The following PPP2R2C variants were observed in gnomAD, a reference collection of about 807,000 sequenced individuals.
PPP2R2C encodes the protein protein phosphatase 2, regulatory subunit B, gamma.
Under a neutral mutation model 45.3 loss-of-function variants are expected in PPP2R2C, and 10 were observed. The ratio of observed to expected loss-of-function variants is 0.22; its 90% CI spans 0.14 to 0.37. The LOEUF is 0.37. Ranked by LOEUF, PPP2R2C falls within the 10% of genes least tolerant of loss-of-function variation. PPP2R2C has a pLI of 1.00. For missense variants in PPP2R2C, 308 were observed against 619.7 expected (o/e 0.50, Z 5.34); for synonymous variants, 257 against 245.4 (o/e 1.05, Z -0.44).
rs1275645374 is a variant in PPP2R2C at position 6,472,589 on chromosome 4, C to G, written c.-360G>C. The G allele has an allele frequency of 3.4e-5, 5 of 146,304 alleles. No homozygotes were observed. Among genetic ancestry groups the G allele is most frequent in the East Asian group, 3.9e-4 (2 of 5,070 alleles). The allele number at this position is 146,304 out of a possible 1,614,324, so 9.1% of individuals were successfully genotyped here. A position where few individuals can be genotyped will look rare whatever the true frequency, so the allele number is the denominator to read the frequency against. On this transcript the variant is annotated 5_prime_UTR_variant, in exon 1 of 9. Coordinates refer to ENST00000382599, the MANE Select transcript of PPP2R2C (RefSeq NM_020416.4). ...GGACGCGCGCGGCGCTGCGCTGCGC[C>G]GACCAAGCCGGGGCCGAGCCGGGCT...
chr4:6,367,259 A>C (rs1226742186), intron 5 of PPP2R2C, among the ~76,000 whole-genome samples: 1 of 152,136 alleles, frequency 6.6e-6, no homozygotes, highest in African/African-American at 2.4e-5. Flanking sequence ...ATGGTTACTA[A>C]AAGTCCATTT....
intron 7 of PPP2R2C, among the ~76,000 whole-genome samples, chr4:6,333,110 T>C (rs1413121604): frequency 6.6e-6 from 1 of 152,214 alleles, no homozygotes; most frequent in Non-Finnish European, 1.5e-5. Context: ...GCTGAGGATC[T>C]GGAAAGGAAA....
At chr4:6,535,629 C>G (rs62286149) in intron 1 of PPP2R2C, among the ~76,000 whole-genome samples, 237 of 152,338 alleles carry the variant, frequency 1.6e-3, no homozygotes, top group Non-Finnish European at 2.5e-3. Flanking sequence ...TATTTTGGCC[C>G]CAAATGGGGT....
intron 2 of PPP2R2C, among the ~76,000 whole-genome samples, chr4:6,531,561 CTT>C (rs11327901): frequency 0.47 from 67,235 of 143,796 alleles, 15,712 homozygotes; most frequent in African/African-American, 0.58. Flanking sequence ...TCCCGTTTTC[CTT>C]TTTTTTTTTT....
chr4:6,459,796 A>C (rs1437040083), intron 1 of PPP2R2C, among the ~76,000 whole-genome samples: 2 of 151,612 alleles, frequency 1.3e-5, no homozygotes, highest in African/African-American at 2.4e-5. Flanking sequence ...CACACACACA[A>C]AAAAACAGCA....
At position 6,366,048 on chromosome 4, in the gene PPP2R2C, G is replaced by A. The variant is rs77709203; in HGVS notation, c.625+6475C>T. ...ACGTTGAAACTGCACCGTGGAAAAC[G>A]GAGTTTTAACCATCAGAGATGCAGG... On this transcript the variant is annotated intron_variant, in intron 5 of 8. Transcript: ENST00000382599. 6.2e-3 allele frequency among the ~76,000 whole-genome samples: 938 copies of A among 152,288 alleles called. 8 individuals carry two copies. The highest frequency in any genetic ancestry group is 0.02 in the African/African-American group (825 of 41,554).
At chr4:6,553,282 C>G (rs983690414) in intron 1 of PPP2R2C, among the ~76,000 whole-genome samples, 6 of 152,252 alleles carry the variant, frequency 3.9e-5, no homozygotes, top group African/African-American at 1.4e-4. Flanking sequence ...TCCACGGGAG[C>G]CTTAGGGCAG....
intron 1 of PPP2R2C, among the ~76,000 whole-genome samples, chr4:6,451,941 A>G (rs1385368534): frequency 6.6e-6 from 1 of 151,952 alleles, no homozygotes; most frequent in East Asian, 1.9e-4. Flanking sequence ...CAGTGACACC[A>G]CCCCAGAGCC....
At chr4:6,486,967 T>G (rs1205157029) in intron 2 of PPP2R2C, among the ~76,000 whole-genome samples, 1 of 152,128 alleles carries the variant, frequency 6.6e-6, no homozygotes, top group Non-Finnish European at 1.5e-5. Flanking sequence ...ATTGTTCAAT[T>G]ATTCCATTCT....
At chr4:6,517,718 A>T (rs984713325) in intron 2 of PPP2R2C, among the ~76,000 whole-genome samples, 1 of 152,164 alleles carries the variant, frequency 6.6e-6, no homozygotes, top group Admixed American at 6.5e-5. Context: ...TCATTTCAAC[A>T]GTCCATCATG....
intron 1 of PPP2R2C, among the ~76,000 whole-genome samples, chr4:6,427,353 C>T (rs1005687892): frequency 1.3e-5 from 2 of 152,220 alleles, no homozygotes; most frequent in Non-Finnish European, 2.9e-5. Flanking sequence ...CCAACTAACT[C>T]AACAACGACC....
rs554026925 is a variant in PPP2R2C, at chr4:6,390,563, G to C, written c.71-9469C>G. ...ACGCCGGGCGGCGGGCGCATGGGAG[G>C]GGAAGCGCCAAGTCTGGGCGGAGTC... On this transcript the variant is annotated intron_variant, in intron 1 of 8. Coordinates refer to ENST00000382599, the MANE Select transcript of PPP2R2C (RefSeq NM_020416.4). Among the ~76,000 whole-genome samples the C allele has an allele frequency of 4.6e-5, 7 of 152,352 alleles. No homozygotes were observed. In the South Asian group the frequency reaches 1.0e-3, roughly 23 times the overall value.
chr4:6,502,561 C>A (rs946544892), intron 2 of PPP2R2C, among the ~76,000 whole-genome samples: 3 of 151,654 alleles, frequency 2.0e-5, no homozygotes, highest in Admixed American at 2.0e-4. Context: ...TTTTTCCTTC[C>A]TTTTATTCCA....
At chr4:6,420,694 C>T (rs1410327778) in intron 1 of PPP2R2C, among the ~76,000 whole-genome samples, 1 of 152,150 alleles carries the variant, frequency 6.6e-6, no homozygotes, top group Non-Finnish European at 1.5e-5. Flanking sequence ...AACTCAACAA[C>T]CTCTCACAGA....
rs1176130638 is a variant in PPP2R2C at position 6,554,859 on chromosome 4, CA to C, written c.-59+8700del. On this transcript the variant is annotated intron_variant, in intron 1 of 9. Coordinates refer to the PPP2R2C transcript ENST00000506140. ...TGGGTGACAGAGTGAGACTCCATCT[CA>C]AAAAAAAAAAAAAGAAAAAGAAAAA... Among the ~76,000 whole-genome samples, 137 of 30,228 alleles carry C rather than the reference CA, an allele frequency of 4.5e-3. No homozygotes were observed. The Middle Eastern group carries it at 0.054, about 12-fold the overall frequency. The allele number at this position is 30,228 out of a possible 152,430, so 19.8% of individuals were successfully genotyped here.
At chr4:6,414,764 T>C (rs1011572946) in intron 1 of PPP2R2C, among the ~76,000 whole-genome samples, 17 of 152,002 alleles carry the variant, frequency 1.1e-4, no homozygotes, top group Admixed American at 7.9e-4. Flanking sequence ...CCAATGGGAA[T>C]CACTACGCCA....
intron 6 of PPP2R2C, among the ~76,000 whole-genome samples, chr4:6,343,131 A>C (rs1009398036): frequency 4.6e-5 from 7 of 152,194 alleles, no homozygotes; most frequent in African/African-American, 1.7e-4. Flanking sequence ...CAGATTAAAA[A>C]CAGCCGCCAC....
Position 6,383,959 on chromosome 4 carries a change from A to G in PPP2R2C, c.71-2865T>C, listed in dbSNP as rs565421234. 1.9e-4 allele frequency: 183 copies of G among 986,372 alleles called. 2 individuals are homozygous for G. The South Asian group carries it at 7.1e-3, about 38-fold the overall frequency. 61.1% of individuals were successfully genotyped at this position (986,372 alleles called of 1,614,324 possible). On this transcript the variant is annotated intron_variant, in intron 1 of 8. Transcript: ENST00000382599. ...GAAAAGATTGAGAGAGGGTGGTTAG[A>G]AGTGGGATGACGGGCTGGACGTATC...
At chr4:6,395,382 T>C (rs965477928) in intron 1 of PPP2R2C, among the ~76,000 whole-genome samples, 2 of 152,180 alleles carry the variant, frequency 1.3e-5, no homozygotes, top group Non-Finnish European at 2.9e-5. Context: ...CCCGCGGGCA[T>C]GTCCAGGCCC....
Sources: gnomAD v4.1 joint callset for allele counts (sites outside exome capture counted in the v4.1 genomes callset) on GRCh38, gnomAD v4.1.1 for gene constraint, MANE v1.5 for transcripts, NCBI Gene and HGNC (gene_info 2026-07-23, HGNC 2026-07-21) for gene names.